CTNNA3: variants seen among roughly 807,000 people sequenced by gnomAD.
The protein encoded by CTNNA3 is catenin alpha 3, also known as catenin alpha-3.
In CTNNA3, 76 loss-of-function variants were observed where a neutral mutation model predicts 95.7. The observed-to-expected ratio is 0.79, with a 90% CI of 0.66 to 0.96. The LOEUF (loss-of-function observed/expected upper bound fraction) is 0.96. Ranked by LOEUF, CTNNA3 falls within the 40% of genes least tolerant of loss-of-function variation. The pLI is 0.00. For missense variants in CTNNA3, 1,191 were observed against 1,089.8 expected, an observed-to-expected ratio of 1.09 and a Z score of -1.31; for synonymous variants, 431 against 374.4, an observed-to-expected ratio of 1.15 and a Z score of -1.74.
At chr10:66,072,246 G>A (rs1205192088) in intron 14 of CTNNA3, among the ~76,000 whole-genome samples, 3 of 152,102 alleles carry the variant, frequency 2.0e-5, no homozygotes, top group Admixed American at 2.0e-4. Flanking sequence ...AAAATGTAAA[G>A]GCCATTCTTA....
At chr10:66,961,474 T>C (rs1849105479) in intron 7 of CTNNA3, among the ~76,000 whole-genome samples, 1 of 152,208 alleles carries the variant, frequency 6.6e-6, no homozygotes, top group Non-Finnish European at 1.5e-5. Flanking sequence ...GGTGATTTTC[T>C]TCCAACCTCA....
chr10:65,930,281 A>G (rs943253473), intron 17 of CTNNA3, among the ~76,000 whole-genome samples: 2 of 151,828 alleles, frequency 1.3e-5, no homozygotes, highest in African/African-American at 4.8e-5. Context: ...AATTAATTAT[A>G]TAGGCAACGG....
chr10:66,047,548 C>CATT (rs1234193812), intron 15 of CTNNA3, among the ~76,000 whole-genome samples: 4 of 152,098 alleles, frequency 2.6e-5, no homozygotes, highest in Non-Finnish European at 5.9e-5. Flanking sequence ...AAGCTGGAAG[C>CATT]ATTCCCCTTG....
chr10:67,396,032 A>ATT (rs1844694973), intron 5 of CTNNA3, among the ~76,000 whole-genome samples: 2 of 152,222 alleles, frequency 1.3e-5, no homozygotes, highest in Non-Finnish European at 1.5e-5. Flanking sequence ...TGTTTGTAAA[A>ATT]TAAAAGCAGA....
chr10:67,156,169 G>A (rs544673663), intron 7 of CTNNA3, among the ~76,000 whole-genome samples: 2 of 151,840 alleles, frequency 1.3e-5, no homozygotes, highest in African/African-American at 4.8e-5. Flanking sequence ...TTTTATTTGA[G>A]TCTTTTTTTC....
intron 1 of CTNNA3, among the ~76,000 whole-genome samples, chr10:67,664,461 A>C (rs984020): frequency 6.6e-6 from 1 of 152,008 alleles, no homozygotes; most frequent in African/African-American, 2.4e-5. Flanking sequence ...AAGGTAAGAG[A>C]AGGCAACTGG....
chr10:66,186,801 T>C (rs1208750265), intron 13 of CTNNA3, among the ~76,000 whole-genome samples: 1 of 152,122 alleles, frequency 6.6e-6, no homozygotes, highest in African/African-American at 2.4e-5. Context: ...TCCAAAAATC[T>C]TCTTCTCCAT....
At chr10:67,453,796 T>C (rs529191794) in intron 5 of CTNNA3, among the ~76,000 whole-genome samples, 1 of 152,218 alleles carries the variant, frequency 6.6e-6, no homozygotes, top group Non-Finnish European at 1.5e-5. Context: ...AACCGTATTA[T>C]GTAGAGTTTC....
At chr10:67,446,975 G>T (rs1419472005) in intron 5 of CTNNA3, among the ~76,000 whole-genome samples, 1 of 152,104 alleles carries the variant, frequency 6.6e-6, no homozygotes, top group African/African-American at 2.4e-5. Flanking sequence ...CGTGGTGGCG[G>T]GCGCCTGTAG....
intron 7 of CTNNA3, among the ~76,000 whole-genome samples, chr10:67,067,976 T>C (rs910543132): frequency 1.3e-5 from 2 of 152,178 alleles, no homozygotes; most frequent in African/African-American, 2.4e-5. Flanking sequence ...GAAACCCACA[T>C]TTAAACCAAG....
rs532442017 is a variant in CTNNA3, at chr10:66,040,409, G to A, written c.2159+28899C>T. Reference sequence around the variant, plus strand: ...TCAAAGGAATATAAATTGTTCTATTGTAAAGATAGATGCACGTGTATGTTC... The same window carrying A: ...TCAAAGGAATATAAATTGTTCTATTATAAAGATAGATGCACGTGTATGTTC... On this transcript the variant is annotated intron_variant, in intron 15 of 17. Transcript: ENST00000433211. Among the ~76,000 whole-genome samples, 6 of 151,998 alleles carry A rather than the reference G, an allele frequency of 3.9e-5. No homozygotes were observed. The East Asian group carries it at 1.2e-3, about 29-fold the overall frequency.
At chr10:67,638,977 A>C (rs570379986) in intron 2 of CTNNA3, among the ~76,000 whole-genome samples, 56 of 152,348 alleles carry the variant, frequency 3.7e-4, no homozygotes, top group Non-Finnish European at 7.3e-4. Context: ...ACACATTCAA[A>C]AGCTAGCAGA....
At chr10:66,714,514 A>ATTT (rs1564634883) in intron 9 of CTNNA3, among the ~76,000 whole-genome samples, 1 of 151,894 alleles carries the variant, frequency 6.6e-6, no homozygotes, top group Non-Finnish European at 1.5e-5. Flanking sequence ...AACTCCCTTT[A>ATTT]TTTTTCCCTG....
chr10:67,101,408 C>T (rs1268926716), intron 7 of CTNNA3, among the ~76,000 whole-genome samples: 1 of 151,152 alleles, frequency 6.6e-6, no homozygotes, highest in Non-Finnish European at 1.5e-5. Context: ...CTTCTTAAAC[C>T]ATGAAATTTT....
At chr10:67,090,537 G>A (rs1353864291) in intron 7 of CTNNA3, among the ~76,000 whole-genome samples, 3 of 152,014 alleles carry the variant, frequency 2.0e-5, no homozygotes, top group Admixed American at 6.6e-5. Flanking sequence ...TAAGAAGGCA[G>A]GCAACCACTT....
intron 9 of CTNNA3, among the ~76,000 whole-genome samples, chr10:66,631,755 T>A (rs1845142564): frequency 7.8e-6 from 1 of 128,922 alleles, no homozygotes; most frequent in African/African-American, 2.9e-5. Flanking sequence ...TAAATCTAAA[T>A]GAATAAAAAA....
At chr10:66,426,618 T>A (rs1053442195) in intron 11 of CTNNA3, among the ~76,000 whole-genome samples, 6 of 152,034 alleles carry the variant, frequency 3.9e-5, no homozygotes, top group Non-Finnish European at 5.9e-5. Flanking sequence ...CTTTTTTTTT[T>A]CCTATGCAAG....
chr10:67,197,013 G>C (rs2132194543), intron 6 of CTNNA3, among the ~76,000 whole-genome samples: 1 of 151,980 alleles, frequency 6.6e-6, no homozygotes, highest in East Asian at 1.9e-4. Context: ...ATTGAACTTA[G>C]AGAAAATACA....
At chr10:67,580,786 T>G (rs1473039640) in intron 3 of CTNNA3, among the ~76,000 whole-genome samples, 1 of 152,162 alleles carries the variant, frequency 6.6e-6, no homozygotes, top group African/African-American at 2.4e-5. Context: ...CCCTTGTAAG[T>G]TGGATTCCTA....
Sources: allele counts gnomAD v4.1 joint callset (sites outside exome capture counted in the v4.1 genomes callset), GRCh38; gene constraint gnomAD v4.1.1; transcripts MANE v1.5; gene names NCBI Gene and HGNC (gene_info 2026-07-23, HGNC 2026-07-21).